CFAP77: variants seen among roughly 807,000 people sequenced by gnomAD.
CFAP77 encodes cilia- and flagella-associated protein 77.
CFAP77 carries 25 observed loss-of-function variants against 31.1 expected under a neutral mutation model. That is an observed-to-expected ratio of 0.80 (90% confidence interval 0.59 to 1.12). The LOEUF (loss-of-function observed/expected upper bound fraction) is 1.12. Among genes scored for constraint, CFAP77 ranks in the 50% most tolerant of loss-of-function variants. The pLI, the probability that CFAP77 is intolerant of heterozygous loss-of-function variation, is 0.00. For missense variants in CFAP77, 377 were observed against 397.3 expected (o/e 0.95, Z 0.44); for synonymous variants, 151 against 159.9 (o/e 0.94, Z 0.42).
chr9:132,513,447 C>A, intron 3 of CFAP77: 1 of 1,387,012 alleles, frequency 7.2e-7, no homozygotes, highest in Non-Finnish European at 9.5e-7. Flanking sequence ...TCAGCCCCTC[C>A]CCGTCTTCCC....
intron 1 of CFAP77, among the ~76,000 whole-genome samples, chr9:132,451,880 C>T (rs1850833938): frequency 6.6e-6 from 1 of 150,418 alleles, no homozygotes; most frequent in Non-Finnish European, 1.5e-5. Context: ...TCTCGGCTCA[C>T]TGCAACTTCC....
chr9:132,520,610 A>T (rs1423315896), intron 3 of CFAP77, among the ~76,000 whole-genome samples: 2 of 152,216 alleles, frequency 1.3e-5, no homozygotes, highest in Non-Finnish European at 2.9e-5. Context: ...GCACCACCGC[A>T]CACCAGCCAG....
intron 1 of CFAP77, among the ~76,000 whole-genome samples, chr9:132,471,737 G>A (rs567718801): frequency 6.6e-6 from 1 of 151,950 alleles, no homozygotes; most frequent in African/African-American, 2.4e-5. Context: ...GTCTCACTCT[G>A]TTGCCCAAGC....
At chr9:132,571,326 C>A (rs979691781) in intron 5 of CFAP77, among the ~76,000 whole-genome samples, 7 of 151,904 alleles carry the variant, frequency 4.6e-5, no homozygotes, top group African/African-American at 1.7e-4. Flanking sequence ...AGCCACGCTA[C>A]CCCCCTTTGC....
intron 1 of CFAP77, among the ~76,000 whole-genome samples, chr9:132,412,375 G>A (rs890590624): frequency 6.6e-6 from 1 of 152,100 alleles, no homozygotes; most frequent in Non-Finnish European, 1.5e-5. Context: ...TGGGTTCTTC[G>A]GGGTCTTTAA....
intron 5 of CFAP77, among the ~76,000 whole-genome samples, chr9:132,567,500 G>T (rs1310605149): frequency 6.6e-6 from 1 of 152,190 alleles, no homozygotes; most frequent in Non-Finnish European, 1.5e-5. Context: ...CCTTCTTGGG[G>T]TATGGGATGA....
At chr9:132,562,794 G>T (rs188641136) in intron 5 of CFAP77, among the ~76,000 whole-genome samples, 1 of 152,098 alleles carries the variant, frequency 6.6e-6, no homozygotes, top group East Asian at 1.9e-4. Flanking sequence ...CCGCCTCCCA[G>T]GTTCAAGCGA....
At chr9:132,446,344 C>G (rs1300866830) in intron 1 of CFAP77, among the ~76,000 whole-genome samples, 2 of 151,858 alleles carry the variant, frequency 1.3e-5, no homozygotes, top group Non-Finnish European at 2.9e-5. Context: ...CATGCGTGGT[C>G]CTGGTTTCTG....
rs902185237 is a variant in CFAP77, at chr9:132,422,428, G to A, written c.195+11962G>A. Among the ~76,000 whole-genome samples, 6 of 152,220 alleles carry A rather than the reference G, an allele frequency of 3.9e-5. No individual in the cohort carries two copies. The South Asian group carries it at 6.2e-4, about 16-fold the overall frequency. On this transcript the variant is annotated intron_variant, in intron 1 of 5. Coordinates refer to ENST00000393216, the MANE Select transcript of CFAP77 (RefSeq NM_001282957.2). ...GAGGCTAGGGAAGCCCCACCTGGAA[G>A]ATACCACGGATGCTATGTTTTAGCC...
At chr9:132,442,372 G>A (rs751810794) in intron 1 of CFAP77, among the ~76,000 whole-genome samples, 7 of 152,094 alleles carry the variant, frequency 4.6e-5, no homozygotes, top group Admixed American at 6.6e-5. Flanking sequence ...GTGACATGGC[G>A]AAAACCTGTC....
intron 1 of CFAP77, among the ~76,000 whole-genome samples, chr9:132,492,019 G>T (rs1264711188): frequency 6.6e-6 from 1 of 152,202 alleles, no homozygotes; most frequent in Non-Finnish European, 1.5e-5. Context: ...CAGGCACAGT[G>T]GCTCATTCCC....
chr9:132,416,981 T>C (rs776751450), intron 1 of CFAP77, among the ~76,000 whole-genome samples: 16 of 152,104 alleles, frequency 1.1e-4, no homozygotes, highest in Non-Finnish European at 1.8e-4. Context: ...TTGTTGGTCA[T>C]TGGTAATGAT....
At chr9:132,434,069 G>C (rs984934488) in intron 1 of CFAP77, among the ~76,000 whole-genome samples, 1 of 151,864 alleles carries the variant, frequency 6.6e-6, no homozygotes, top group Non-Finnish European at 1.5e-5. Flanking sequence ...AGCCAAGGAG[G>C]CTGAGACTGC....
intron 3 of CFAP77, among the ~76,000 whole-genome samples, chr9:132,530,616 G>T (rs1852427590): frequency 6.6e-6 from 1 of 151,968 alleles, no homozygotes; most frequent in Non-Finnish European, 1.5e-5. Context: ...TTTTGGTTTT[G>T]ATTTGTTTTG....
intron 5 of CFAP77, among the ~76,000 whole-genome samples, chr9:132,544,488 CTA>C (rs1491074241): frequency 8.1e-5 from 11 of 135,636 alleles, no homozygotes; most frequent in African/African-American, 2.0e-4. Context: ...TCCTCACTGC[CTA>C]TTTTTTTTTT....
chr9:132,571,553 CAGAGTTGTG>C (rs1457917552), intron 5 of CFAP77, among the ~76,000 whole-genome samples: 1 of 152,180 alleles, frequency 6.6e-6, no homozygotes, highest in Non-Finnish European at 1.5e-5. Context: ...ACATCTGACA[CAGAGTTGTG>C]TTCAATAAAC....
chr9:132,507,152 A>G (rs1169524163), intron 3 of CFAP77, among the ~76,000 whole-genome samples: 1 of 152,192 alleles, frequency 6.6e-6, no homozygotes, highest in Non-Finnish European at 1.5e-5. Flanking sequence ...TGATAAACTC[A>G]AACTTCTTGT....
chr9:132,533,382 C>T (rs1263750271), intron 3 of CFAP77, among the ~76,000 whole-genome samples: 1 of 151,962 alleles, frequency 6.6e-6, no homozygotes, highest in Non-Finnish European at 1.5e-5. Context: ...GTGGCTTACC[C>T]AACAGGAAAT....
At position 132,481,197 on chromosome 9, in the gene CFAP77, G is replaced by A. The variant is rs938555493; in HGVS notation, c.196-17498G>A. On this transcript the variant is annotated intron_variant, in intron 1 of 5. Transcript: ENST00000393216. This position sits in a 1 kb window ranked among gnomAD's most constrained non-coding sequence, Gnocchi z 5.0. Reference sequence around the variant, plus strand: ...CCCCAAGCTACTGCTGCCCTTGGGAGCTCTCTGGGCCCAAGACTCCCTGCC... The same window carrying A: ...CCCCAAGCTACTGCTGCCCTTGGGAACTCTCTGGGCCCAAGACTCCCTGCC... Among the ~76,000 whole-genome samples the A allele has an allele frequency of 6.6e-6, 1 of 152,100 alleles. No homozygotes were observed. Among genetic ancestry groups the A allele is most frequent in the Non-Finnish European group, 1.5e-5 (1 of 68,026 alleles).
Sources: gnomAD v4.1 joint callset for allele counts (sites outside exome capture counted in the v4.1 genomes callset) on GRCh38, gnomAD v4.1.1 for gene constraint, Gnocchi (gnomAD v3.1) non-coding constraint, MANE v1.5 for transcripts, NCBI Gene and HGNC (gene_info 2026-07-23, HGNC 2026-07-21) for gene names.